The following SCRN1 variants were observed in gnomAD, a reference collection of about 807,000 sequenced individuals.
SCRN1 encodes secernin 1.
SCRN1 carries 19 observed loss-of-function variants against 43.3 expected under a neutral mutation model. The observed-to-expected ratio is 0.44, with a 90% CI of 0.31 to 0.64. The LOEUF (loss-of-function observed/expected upper bound fraction) is 0.64, where lower values mean the gene tolerates loss of function less well. SCRN1 is among the 30% of genes least tolerant of loss of function. SCRN1 has a pLI of 0.09. For missense variants in SCRN1, 447 were observed against 524.1 expected (o/e 0.85, Z 1.44); for synonymous variants, 183 against 188.9 (o/e 0.97, Z 0.26).
chr7:29,974,963 T>C (rs937016495), intron 1 of SCRN1, among the ~76,000 whole-genome samples: 2 of 152,196 alleles, frequency 1.3e-5, no homozygotes, highest in Non-Finnish European at 2.9e-5. Context: ...ATTACAGGCA[T>C]GAGCCACCGT....
intron 1 of SCRN1, among the ~76,000 whole-genome samples, chr7:29,984,204 CA>C (rs55733700): frequency 0.44 from 41,791 of 95,982 alleles, 4,826 homozygotes; most frequent in East Asian, 0.66. Context: ...AGACAGTCTC[CA>C]AAAAAAAAAA....
At chr7:29,945,318 C>T (rs1212774665) in intron 3 of SCRN1, among the ~76,000 whole-genome samples, 1 of 152,184 alleles carries the variant, frequency 6.6e-6, no homozygotes, top group Non-Finnish European at 1.5e-5. Context: ...AAGGAGGTAA[C>T]TGAATCAGGG....
rs548620262 is a variant in SCRN1 at position 29,950,156 on chromosome 7, C to T, written c.341+5023G>A. 4.2e-4 allele frequency among the ~76,000 whole-genome samples: 64 copies of T among 152,356 alleles called. No individual in the cohort carries two copies. The highest frequency in any genetic ancestry group is 1.2e-3 in the Admixed American group (18 of 15,312). On this transcript the variant is annotated intron_variant, in intron 3 of 7. Transcript: ENST00000242059. This position sits in a 1 kb window ranked among gnomAD's most constrained non-coding sequence, Gnocchi z 4.5. The stretch of plus-strand genomic sequence containing the variant: ...GGAGCCCAGGAAGCCCTTGCCCCTA[C>T]AGGCTTGGAAGTGCCTGCTTCCTGC...
chr7:29,987,206 T>C (rs540986450), intron 1 of SCRN1, among the ~76,000 whole-genome samples: 6 of 152,304 alleles, frequency 3.9e-5, no homozygotes, highest in Non-Finnish European at 7.3e-5. Flanking sequence ...GAAGAAACGT[T>C]TTCCACATCT....
intron 3 of SCRN1, among the ~76,000 whole-genome samples, chr7:29,949,018 T>C (rs1232173544): frequency 1.3e-5 from 2 of 152,142 alleles, no homozygotes; most frequent in Non-Finnish European, 2.9e-5. Context: ...GACCTTGGAT[T>C]ATAAGTGGCA....
rs1409581094 is a variant in SCRN1 at position 29,923,384 on chromosome 7, G to A, written c.*573C>T. On this transcript the variant is annotated 3_prime_UTR_variant, in exon 8 of 8. Transcript: ENST00000242059. ...TGTAGGAAGGAGCCAGGACTGGAGA[G>A]GGGTCCCTTTCTTCCTTCCAATTGG... 1 of 152,524 alleles carries A rather than the reference G, an allele frequency of 6.6e-6. No homozygotes were observed. Among genetic ancestry groups the A allele is most frequent in the African/African-American group, 2.4e-5 (1 of 41,438 alleles). The allele number at this position is 152,524 out of a possible 1,614,324, so 9.4% of individuals were successfully genotyped here.
At chr7:29,954,422 A>G (rs1788061108) in intron 3 of SCRN1, among the ~76,000 whole-genome samples, 1 of 152,124 alleles carries the variant, frequency 6.6e-6, no homozygotes, top group Non-Finnish European at 1.5e-5. Flanking sequence ...AAAGTTGTGC[A>G]GCCATCACCA....
chr7:29,961,496 G>A (rs1449857647), intron 2 of SCRN1, among the ~76,000 whole-genome samples: 1 of 147,360 alleles, frequency 6.8e-6, no homozygotes, highest in Middle Eastern at 3.5e-3. Flanking sequence ...GCAACCATCC[G>A]ATTTCTCAAT....
chr7:29,924,773 C>A (rs1281431151), intron 7 of SCRN1, among the ~76,000 whole-genome samples: 1 of 152,156 alleles, frequency 6.6e-6, no homozygotes, highest in African/African-American at 2.4e-5. Context: ...CCTGTTCACT[C>A]TTTTTCTGAG....
intron 1 of SCRN1, among the ~76,000 whole-genome samples, chr7:29,972,209 C>T (rs1052965232): frequency 3.3e-5 from 5 of 152,092 alleles, no homozygotes; most frequent in African/African-American, 1.2e-4. Context: ...GTGAAACAGA[C>T]CCAGAGGAAG....
chr7:29,930,280 A>C (rs1158607284), intron 6 of SCRN1, among the ~76,000 whole-genome samples: 2 of 152,238 alleles, frequency 1.3e-5, no homozygotes, highest in Non-Finnish European at 2.9e-5. Context: ...CAGGATGTGG[A>C]AATTATCTAT....
At chr7:29,955,738 G>C (rs1481172101) in intron 2 of SCRN1, among the ~76,000 whole-genome samples, 1 of 152,190 alleles carries the variant, frequency 6.6e-6, no homozygotes, top group Non-Finnish European at 1.5e-5. Flanking sequence ...TCACCTAGAA[G>C]CCTAAGATAG....
chr7:29,944,307 G>A, intron 3 of SCRN1, 128 bp from the exon 4 acceptor site: 1 of 748,290 alleles, frequency 1.3e-6, no homozygotes, highest in Non-Finnish European at 2.3e-6. Context: ...TAAGTCTGCA[G>A]AACAATAAGC....
intron 1 of SCRN1, among the ~76,000 whole-genome samples, chr7:29,985,016 T>C (rs1343151276): frequency 6.9e-6 from 1 of 144,830 alleles, no homozygotes; most frequent in Non-Finnish European, 1.5e-5. Flanking sequence ...AGTCTTGACT[T>C]GTGTGGGGAA....
intron 3 of SCRN1, among the ~76,000 whole-genome samples, chr7:29,954,710 CGTT>C (rs1179603521): frequency 6.6e-6 from 1 of 152,178 alleles, no homozygotes; most frequent in Non-Finnish European, 1.5e-5. Flanking sequence ...GATGGAGACT[CGTT>C]GTTGTCGCCT....
At chr7:29,980,103 A>G (rs1462450338) in intron 1 of SCRN1, among the ~76,000 whole-genome samples, 1 of 152,224 alleles carries the variant, frequency 6.6e-6, no homozygotes, top group African/African-American at 2.4e-5. Flanking sequence ...AAATGGGGCC[A>G]TGTCAACCAT....
At chr7:29,936,434 C>G in intron 6 of SCRN1, 122 bp downstream of exon 6, 1 of 843,862 alleles carries the variant, frequency 1.2e-6, no homozygotes, top group South Asian at 2.9e-5. Flanking sequence ...CTGAAGCTGA[C>G]TGAAAAACGT....
intron 3 of SCRN1, among the ~76,000 whole-genome samples, chr7:29,948,634 T>C (rs570084406): frequency 1.4e-3 from 210 of 152,360 alleles, no homozygotes; most frequent in African/African-American, 4.3e-3. Context: ...TTTAGTGCCA[T>C]TGTTAAACAC....
intron 1 of SCRN1, among the ~76,000 whole-genome samples, chr7:29,971,948 T>A (rs1788677569): frequency 6.6e-6 from 1 of 152,164 alleles, no homozygotes; most frequent in Admixed American, 6.5e-5. Flanking sequence ...AATAATTCCC[T>A]TCTAGCTCAG....
Sources: gnomAD v4.1 joint callset for allele counts (sites outside exome capture counted in the v4.1 genomes callset) on GRCh38, gnomAD v4.1.1 for gene constraint, Gnocchi (gnomAD v3.1) non-coding constraint, MANE v1.5 for transcripts, NCBI Gene and HGNC (gene_info 2026-07-23, HGNC 2026-07-21) for gene names.